CEP57: variants seen among roughly 807,000 people sequenced by gnomAD.
CEP57 encodes the protein centrosomal protein 57.
Under a neutral mutation model 68.0 loss-of-function variants are expected in CEP57, and 40 were observed. That is an observed-to-expected ratio of 0.59 (90% confidence interval 0.46 to 0.77). The LOEUF (loss-of-function observed/expected upper bound fraction) is 0.77. Among genes scored for constraint, CEP57 ranks in the 30% least tolerant of loss-of-function variants. The pLI, the probability that CEP57 is intolerant of heterozygous loss-of-function variation, is 0.00. For synonymous variants in CEP57, 219 were observed against 198.7 expected (o/e 1.10, Z -0.86); for missense variants, 606 against 580.7 (o/e 1.04, Z -0.45).
intron 2 of CEP57, among the ~76,000 whole-genome samples, chr11:95,803,069 A>G (rs1268006940): frequency 2.0e-5 from 3 of 152,196 alleles, no homozygotes; most frequent in African/African-American, 7.2e-5. Flanking sequence ...ATCAGAAGTA[A>G]GTCTAAACTG....
intron 1 of CEP57, among the ~76,000 whole-genome samples, chr11:95,791,365 C>G (rs1316788183): frequency 2.0e-5 from 3 of 152,124 alleles, no homozygotes; most frequent in African/African-American, 4.8e-5. Context: ...ATATTGTTTT[C>G]GCCTCATCAA....
chr11:95,802,921 G>C (rs1861641169), intron 2 of CEP57, among the ~76,000 whole-genome samples: 1 of 152,166 alleles, frequency 6.6e-6, no homozygotes, highest in Non-Finnish European at 1.5e-5. Flanking sequence ...TTTTTTACCA[G>C]GTGTGAGAAG....
At chr11:95,794,871 C>G (rs1160582845) in intron 1 of CEP57, among the ~76,000 whole-genome samples, 2 of 152,058 alleles carry the variant, frequency 1.3e-5, no homozygotes, top group Non-Finnish European at 2.9e-5. Context: ...AGATAGGGAT[C>G]CAGTGTAACG....
chr11:95,825,954 A>C (rs1298724967), intron 8 of CEP57: 1 of 152,200 alleles, frequency 6.6e-6, no homozygotes, highest in Non-Finnish European at 1.5e-5. Flanking sequence ...CTTCTATGAT[A>C]CATCACTGAA....
At chr11:95,822,939 C>T (rs1256249172) in intron 8 of CEP57, 4 of 281,252 alleles carry the variant, frequency 1.4e-5, no homozygotes, top group African/African-American at 6.5e-5. Flanking sequence ...GGTAGATATT[C>T]GAATAAGCAC....
chr11:95,791,244 T>C (rs930110063), intron 1 of CEP57, among the ~76,000 whole-genome samples: 1 of 152,150 alleles, frequency 6.6e-6, no homozygotes, highest in Non-Finnish European at 1.5e-5. Flanking sequence ...CCACATTAAC[T>C]TCGTTGTGTG....
At chr11:95,800,313 G>A (rs1041038644) in intron 2 of CEP57, among the ~76,000 whole-genome samples, 4 of 152,082 alleles carry the variant, frequency 2.6e-5, no homozygotes, top group African/African-American at 9.7e-5. Flanking sequence ...TTTGCTCCTA[G>A]AAACTGTCCT....
intron 1 of CEP57, among the ~76,000 whole-genome samples, chr11:95,793,191 T>A (rs1861177314): frequency 6.6e-6 from 1 of 152,190 alleles, no homozygotes; most frequent in African/African-American, 2.4e-5. Flanking sequence ...TCAGTTAGGT[T>A]CTAGGTAACG....
intron 9 of CEP57, 40 bp from the exon 10 acceptor site, chr11:95,829,147 C>A: frequency 6.2e-7 from 1 of 1,609,926 alleles, no homozygotes. Context: ...CCATGAAACA[C>A]AGAAAACTTA....
intron 2 of CEP57, among the ~76,000 whole-genome samples, chr11:95,809,387 C>A (rs1216590322): frequency 3.3e-5 from 5 of 152,092 alleles, no homozygotes; most frequent in Non-Finnish European, 7.4e-5. Flanking sequence ...ACACAAAAAA[C>A]CCTTCAAAAA....
chr11:95,822,121 A>G (rs1230321598), intron 7 of CEP57, 143 bp downstream of exon 7: 4 of 684,000 alleles, frequency 5.8e-6, no homozygotes, highest in Middle Eastern at 4.0e-4. Flanking sequence ...GGTGGAGATA[A>G]GTAATACCTA....
intron 1 of CEP57, among the ~76,000 whole-genome samples, chr11:95,795,330 A>G (rs1373523737): frequency 1.3e-5 from 2 of 152,026 alleles, no homozygotes; most frequent in East Asian, 3.9e-4. Context: ...TGTGATATAT[A>G]TTTTCATAAG....
intron 1 of CEP57, among the ~76,000 whole-genome samples, chr11:95,792,510 G>A (rs1861134133): frequency 6.6e-6 from 1 of 152,188 alleles, no homozygotes. Flanking sequence ...ACGTTTAATT[G>A]AGCTGCACTA....
At position 95,823,751 on chromosome 11, in the gene CEP57, A is replaced by G. The variant is rs149172515; in HGVS notation, c.885+1175A>G. On this transcript the variant is annotated intron_variant, in intron 8 of 10. Transcript: ENST00000325542. ...TGTGATGAGCTCAAGGGTTGGGAGTATTCACTTAAAATGCCACGTGACGCT... is the reference window on the plus strand; with the variant it reads ...TGTGATGAGCTCAAGGGTTGGGAGTGTTCACTTAAAATGCCACGTGACGCT... Among the ~76,000 whole-genome samples, 97 of 152,270 alleles carry G rather than the reference A, an allele frequency of 6.4e-4. 2 individuals are homozygous for G. Among genetic ancestry groups the G allele is most frequent in the Middle Eastern group, 6.8e-3 (2 of 294 alleles).
At position 95,818,905 on chromosome 11, in the gene CEP57, GT is replaced by G; in HGVS notation, c.699+2del. On this transcript the variant is annotated splice_donor_variant, in intron 6 of 10. Coordinates refer to ENST00000325542, the MANE Select transcript of CEP57 (RefSeq NM_014679.5). LOFTEE classifies it high-confidence loss of function. ...ACGCATGCAAGCTAAGGCAGCTGAG[GT>G]AAGTTAAAATGTGAGAAAGTGGGCT... The G allele has an allele frequency of 6.2e-7, 1 of 1,612,960 alleles. No individual in the cohort carries two copies. Among genetic ancestry groups the G allele is most frequent in the Non-Finnish European group, 8.5e-7 (1 of 1,179,102 alleles).
chr11:95,794,768 C>T (rs1861268611), intron 1 of CEP57, among the ~76,000 whole-genome samples: 1 of 152,012 alleles, frequency 6.6e-6, no homozygotes, highest in Non-Finnish European at 1.5e-5. Flanking sequence ...TCTCCAAGGC[C>T]TTGGTTGTAT....
intron 9 of CEP57, 146 bp downstream of exon 9, chr11:95,828,173 TA>T: frequency 1.1e-6 from 1 of 896,704 alleles, no homozygotes; most frequent in Non-Finnish European, 1.7e-6. Context: ...ACTGGGACTT[TA>T]ACAAATACAA....
intron 1 of CEP57, among the ~76,000 whole-genome samples, chr11:95,796,709 C>T (rs1214809538): frequency 6.6e-6 from 1 of 152,054 alleles, no homozygotes; most frequent in African/African-American, 2.4e-5. Flanking sequence ...TTGCTCAGAC[C>T]CCCATACATT....
chr11:95,798,143 A>C (rs1861426009), intron 1 of CEP57, among the ~76,000 whole-genome samples: 1 of 152,212 alleles, frequency 6.6e-6, no homozygotes, highest in Non-Finnish European at 1.5e-5. Flanking sequence ...TACCACTTTT[A>C]AGACTTGGCC....
Sources: allele counts gnomAD v4.1 joint callset (sites outside exome capture counted in the v4.1 genomes callset), GRCh38; gene constraint gnomAD v4.1.1; transcripts MANE v1.5; gene names NCBI Gene and HGNC (gene_info 2026-07-23, HGNC 2026-07-21).